Variants in FMN2 observed in about 807,000 individuals in gnomAD.
FMN2 encodes formin 2, also known as formin-2.
Under a neutral mutation model 142.3 loss-of-function variants are expected in FMN2, and 51 were observed. That is an observed-to-expected ratio of 0.36 (90% CI 0.29 to 0.45). FMN2 has a LOEUF of 0.45. FMN2 is among the 20% of genes least tolerant of loss of function. The pLI is 1.00. For missense variants in FMN2, 1,936 were observed against 2,122.8 expected, an observed-to-expected ratio of 0.91 and a Z score of 1.73; for synonymous variants, 882 against 869.8, an observed-to-expected ratio of 1.01 and a Z score of -0.25.
rs554778378 is a variant in FMN2, at chr1:240,114,456, G to C, written c.1616-8723G>C. ...TGTACTTTATGATCACCCCCAGCAGGGGCCCACCATGTCTGGCTTTCTCAG... is the reference window on the plus strand; with the variant it reads ...TGTACTTTATGATCACCCCCAGCAGCGGCCCACCATGTCTGGCTTTCTCAG... On this transcript the variant is annotated intron_variant, in intron 1 of 17. Coordinates refer to ENST00000319653, the MANE Select transcript of FMN2 (RefSeq NM_020066.5). Among the ~76,000 whole-genome samples, 4 of 152,152 alleles carry C rather than the reference G, an allele frequency of 2.6e-5. No individual in the cohort carries two copies. The South Asian group carries it at 6.2e-4, about 24-fold the overall frequency.
intron 16 of FMN2, among the ~76,000 whole-genome samples, chr1:240,462,804 G>C (rs1479277465): frequency 6.6e-6 from 1 of 152,076 alleles, no homozygotes; most frequent in Non-Finnish European, 1.5e-5. Flanking sequence ...TGAAAATCTG[G>C]GGGGGAAAGA....
In FMN2 at chr1:240,330,858, A is replaced by G. The variant is rs890199119; in HGVS notation, c.4584+109A>G. ...AAAAAATATTTATGTTCCTAGGTCA[A>G]ATGCTTCTTTATGTTCTGAGCTAGA... On this transcript the variant is annotated intron_variant, in intron 11 of 17. Transcript: ENST00000319653. The G allele has an allele frequency of 2.3e-6, 3 of 1,323,868 alleles. No homozygotes were observed. In the African/African-American group the frequency reaches 4.5e-5, roughly 20 times the overall value. The allele number at this position is 1,323,868 out of a possible 1,614,324, so 82.0% of individuals were successfully genotyped here. A position where few individuals can be genotyped will look rare whatever the true frequency, so the allele number is the denominator to read the frequency against.
At chr1:240,453,390 C>T (rs961769893) in intron 16 of FMN2, among the ~76,000 whole-genome samples, 13 of 151,870 alleles carry the variant, frequency 8.6e-5, no homozygotes, top group African/African-American at 3.2e-4. Flanking sequence ...TAGTGAACTT[C>T]AGTTTTCTAA....
intron 4 of FMN2, among the ~76,000 whole-genome samples, chr1:240,198,037 A>G (rs1213179820): frequency 6.6e-6 from 1 of 152,190 alleles, no homozygotes; most frequent in Non-Finnish European, 1.5e-5. Flanking sequence ...TGTTAATGCA[A>G]GGGAGGCGAT....
chr1:240,247,357 C>T (rs993755480), intron 6 of FMN2, among the ~76,000 whole-genome samples: 17 of 152,030 alleles, frequency 1.1e-4, no homozygotes, highest in African/African-American at 4.1e-4. Flanking sequence ...ACAAAATTGG[C>T]TGGGCATGGT....
At chr1:240,263,560 T>C (rs999578792) in intron 7 of FMN2, among the ~76,000 whole-genome samples, 1 of 152,216 alleles carries the variant, frequency 6.6e-6, no homozygotes, top group Non-Finnish European at 1.5e-5. Context: ...GACATTAGTA[T>C]GCGTATTAAA....
chr1:240,231,389 G>A (rs1172926532), intron 6 of FMN2, among the ~76,000 whole-genome samples: 5 of 87,864 alleles, frequency 5.7e-5, no homozygotes, highest in Non-Finnish European at 1.1e-4. Context: ...TGCAGATGAA[G>A]AAGATCAAAT....
At chr1:240,227,117 A>T (rs920470121) in intron 6 of FMN2, among the ~76,000 whole-genome samples, 1 of 152,220 alleles carries the variant, frequency 6.6e-6, no homozygotes, top group Admixed American at 6.5e-5. Flanking sequence ...AGAAGAAACT[A>T]TTAGACGTAA....
At chr1:240,432,177 A>G (rs758267848) in intron 15 of FMN2, among the ~76,000 whole-genome samples, 32 of 151,918 alleles carry the variant, frequency 2.1e-4, no homozygotes, top group Admixed American at 2.0e-4. Flanking sequence ...AAATAATTGA[A>G]TTGTCTTAGA....
chr1:240,188,762 G>T (rs1276205616), intron 4 of FMN2, among the ~76,000 whole-genome samples: 3 of 152,096 alleles, frequency 2.0e-5, no homozygotes, highest in African/African-American at 7.2e-5. Flanking sequence ...GCTGATAAGG[G>T]TGTACCCAAG....
At chr1:240,103,889 T>A (rs1382226212) in intron 1 of FMN2, among the ~76,000 whole-genome samples, 1 of 151,932 alleles carries the variant, frequency 6.6e-6, no homozygotes, top group Non-Finnish European at 1.5e-5. Context: ...TATTATTATT[T>A]TTTTTTGTGA....
intron 2 of FMN2, among the ~76,000 whole-genome samples, chr1:240,163,826 T>TG (rs1325154737): frequency 6.6e-6 from 1 of 151,982 alleles, no homozygotes; most frequent in Non-Finnish European, 1.5e-5. Flanking sequence ...TTGTTCTCTC[T>TG]GGTATTTTAA....
intron 16 of FMN2, among the ~76,000 whole-genome samples, chr1:240,455,285 GGTTA>G (rs58356473): frequency 0.74 from 112,722 of 151,496 alleles, 42,079 homozygotes; most frequent in Middle Eastern, 0.82. Context: ...GGGGCAGGAG[GGTTA>G]GTTACTTCAG....
chr1:240,411,031 A>T (rs1674368573), intron 15 of FMN2, among the ~76,000 whole-genome samples: 1 of 150,992 alleles, frequency 6.6e-6, no homozygotes, highest in South Asian at 2.1e-4. Flanking sequence ...ATAATGGTTG[A>T]TGTAATTTTT....
chr1:240,445,784 A>G (rs1216942485), intron 16 of FMN2, among the ~76,000 whole-genome samples: 1 of 151,426 alleles, frequency 6.6e-6, no homozygotes, highest in Non-Finnish European at 1.5e-5. Flanking sequence ...TGGGTAGTAA[A>G]TTGGAGAGTG....
intron 15 of FMN2, among the ~76,000 whole-genome samples, chr1:240,434,984 A>G (rs1242880565): frequency 6.6e-6 from 1 of 151,920 alleles, no homozygotes; most frequent in Non-Finnish European, 1.5e-5. Flanking sequence ...TTATTCTTTC[A>G]CCATGGCCAC....
chr1:240,263,516 A>G (rs953548624), intron 7 of FMN2, among the ~76,000 whole-genome samples: 2 of 152,180 alleles, frequency 1.3e-5, no homozygotes, highest in African/African-American at 4.8e-5. Context: ...CACATCCAGA[A>G]TGACTTTAAT....
chr1:240,154,990 A>G (rs998091087), intron 2 of FMN2, among the ~76,000 whole-genome samples: 27 of 150,632 alleles, frequency 1.8e-4, no homozygotes, highest in African/African-American at 6.6e-4. Context: ...AGACTTAAGC[A>G]ATCCCCCCCC....
intron 6 of FMN2, among the ~76,000 whole-genome samples, chr1:240,228,429 G>T (rs868024955): frequency 1.5e-4 from 22 of 150,820 alleles, no homozygotes; most frequent in Admixed American, 7.9e-4. Context: ...GCACATAAAA[G>T]GATACTATTC....
Sources: gnomAD v4.1 joint callset for allele counts (sites outside exome capture counted in the v4.1 genomes callset) on GRCh38, gnomAD v4.1.1 for gene constraint, MANE v1.5 for transcripts, NCBI Gene and HGNC (gene_info 2026-07-23, HGNC 2026-07-21) for gene names.